Variants in MSRB3 observed in about 807,000 individuals in gnomAD.
The protein encoded by MSRB3 is methionine sulfoxide reductase B3.
A neutral mutation model predicts 21.0 loss-of-function variants in MSRB3; 13 were observed. The observed-to-expected ratio is 0.62, with a 90% CI of 0.40 to 0.98. MSRB3 has a LOEUF of 0.98. Among genes scored for constraint, MSRB3 ranks in the 50% least tolerant of loss-of-function variants. MSRB3 has a pLI of 0.00. For missense variants in MSRB3, 199 were observed against 230.3 expected (o/e 0.86, Z 0.88); for synonymous variants, 87 against 88.6 (o/e 0.98, Z 0.10).
chr12:65,278,807 C>G lies in MSRB3; in HGVS notation c.-110C>G. On this transcript the variant is annotated 5_prime_UTR_variant, in exon 1 of 7. Coordinates refer to ENST00000308259, the MANE Select transcript of MSRB3 (RefSeq NM_001031679.3). ...GGACCCTCCCGCGCCCCCTCTCGCT[C>G]TGCCTCTCCCTCTGCCTCTGCCTCT... 6.4e-7 allele frequency: 1 copy of G among 1,571,154 alleles called. No individual in the cohort carries two copies. The highest frequency in any genetic ancestry group is 1.2e-5 in the South Asian group (1 of 85,494).
At chr12:65,392,955 C>T (rs1316433293) in intron 5 of MSRB3, among the ~76,000 whole-genome samples, 1 of 151,990 alleles carries the variant, frequency 6.6e-6, no homozygotes, top group African/African-American at 2.4e-5. Flanking sequence ...TTTAACAGCT[C>T]CCACAATATT....
At chr12:65,350,788 A>G (rs1245408915) in intron 4 of MSRB3, among the ~76,000 whole-genome samples, 1 of 140,658 alleles carries the variant, frequency 7.1e-6, no homozygotes, top group Non-Finnish European at 1.5e-5. Flanking sequence ...TGCACCCAAT[A>G]CAGGAGCACC....
At chr12:65,361,381 T>A (rs984242935) in intron 4 of MSRB3, among the ~76,000 whole-genome samples, 6 of 152,136 alleles carry the variant, frequency 3.9e-5, no homozygotes, top group African/African-American at 1.4e-4. Context: ...TTGTTCTGTT[T>A]GTCTCTGTTG....
intron 4 of MSRB3, among the ~76,000 whole-genome samples, chr12:65,361,448 C>T (rs1320576355): frequency 6.6e-6 from 1 of 152,042 alleles, no homozygotes; most frequent in African/African-American, 2.4e-5. Flanking sequence ...TATTTGCTTA[C>T]GATGTGTACC....
chr12:65,356,206 G>A (rs536279671), intron 4 of MSRB3, among the ~76,000 whole-genome samples: 12 of 151,974 alleles, frequency 7.9e-5, no homozygotes, highest in Non-Finnish European at 1.3e-4. Context: ...CCCTGCCTGA[G>A]TAATCAATGG....
intron 6 of MSRB3, among the ~76,000 whole-genome samples, chr12:65,458,578 G>A (rs539971937): frequency 1.1e-4 from 17 of 152,258 alleles, no homozygotes; most frequent in Non-Finnish European, 1.2e-4. Flanking sequence ...AGCAAGGGTC[G>A]GAGAGATTCT....
At chr12:65,454,212 C>T (rs1196163459) in intron 6 of MSRB3, 2 of 433,898 alleles carry the variant, frequency 4.6e-6, no homozygotes, top group Non-Finnish European at 8.5e-6. Context: ...CACTGGAGCC[C>T]AGGAGGTCGA....
chr12:65,434,266 C>G (rs1460140137), intron 5 of MSRB3, among the ~76,000 whole-genome samples: 1 of 151,874 alleles, frequency 6.6e-6, no homozygotes, highest in Non-Finnish European at 1.5e-5. Flanking sequence ...AATTGGCATT[C>G]CTCCTTTGAT....
At chr12:65,362,434 G>A (rs1312664256) in intron 4 of MSRB3, among the ~76,000 whole-genome samples, 1 of 152,116 alleles carries the variant, frequency 6.6e-6, no homozygotes, top group Non-Finnish European at 1.5e-5. Context: ...AACAAATAGG[G>A]TTGCCATGAT....
chr12:65,389,462 T>C (rs979992667), intron 5 of MSRB3, among the ~76,000 whole-genome samples: 3 of 152,194 alleles, frequency 2.0e-5, no homozygotes, highest in Non-Finnish European at 2.9e-5. Context: ...CAGCCACTTA[T>C]TAACTTTCAT....
chr12:65,343,784 C>T (rs1317766499), intron 4 of MSRB3, among the ~76,000 whole-genome samples: 1 of 152,036 alleles, frequency 6.6e-6, no homozygotes, highest in Non-Finnish European at 1.5e-5. Context: ...TAATGCTTCC[C>T]TGTATTCTGG....
chr12:65,438,969 G>A (rs561205248), intron 5 of MSRB3, among the ~76,000 whole-genome samples: 7 of 151,858 alleles, frequency 4.6e-5, no homozygotes, highest in Admixed American at 2.6e-4. Context: ...TATGTCTCTT[G>A]TTAAGTCAAA....
rs534727024 is a variant in MSRB3 at position 65,351,888 on chromosome 12, G to A, written c.264-17110G>A. Among the ~76,000 whole-genome samples, 1,337 of 152,194 alleles carry A rather than the reference G, an allele frequency of 8.8e-3. 19 individuals carry two copies. The highest frequency in any genetic ancestry group is 0.031 in the African/African-American group (1,287 of 41,516). ...CAGCCGAATTCTATCAGAGGTACAA[G>A]GAGGAACTGGTACCATTCCTTCTGA... On this transcript the variant is annotated intron_variant, in intron 4 of 6. Transcript: ENST00000308259.
At chr12:65,390,157 C>T (rs1229719994) in intron 5 of MSRB3, among the ~76,000 whole-genome samples, 1 of 152,128 alleles carries the variant, frequency 6.6e-6, no homozygotes, top group East Asian at 1.9e-4. Flanking sequence ...GATGTTACTC[C>T]ATCAGTCATT....
chr12:65,353,658 A>G (rs1366262322), intron 4 of MSRB3, among the ~76,000 whole-genome samples: 1 of 152,066 alleles, frequency 6.6e-6, no homozygotes, highest in Non-Finnish European at 1.5e-5. Flanking sequence ...CAGCACCCTG[A>G]TGGGTCTTGA....
In MSRB3 at chr12:65,466,417, G is replaced by T. The variant is rs1190574912; in HGVS notation, c.*3095G>T. On this transcript the variant is annotated 3_prime_UTR_variant, in exon 7 of 7. Coordinates refer to ENST00000308259, the MANE Select transcript of MSRB3 (RefSeq NM_001031679.3). ...CAATGAACTGAGTCAATATGGCAAG[G>T]TGTATGTGATCTGTGGGAGTTATGC... 1 of 152,286 alleles carries T rather than the reference G, an allele frequency of 6.6e-6. No homozygotes were observed. The highest frequency in any genetic ancestry group is 1.5e-5 in the Non-Finnish European group (1 of 68,020). The allele number at this position is 152,286 out of a possible 1,614,324, so 9.4% of individuals were successfully genotyped here. A position where few individuals can be genotyped will look rare whatever the true frequency, so the allele number is the denominator to read the frequency against.
intron 1 of MSRB3, among the ~76,000 whole-genome samples, chr12:65,295,222 A>T (rs1208253890): frequency 6.6e-6 from 1 of 152,208 alleles, no homozygotes; most frequent in Non-Finnish European, 1.5e-5. Flanking sequence ...AGCCTTACCT[A>T]AGTATTAAAT....
rs550808728 is a variant in MSRB3 at position 65,393,702 on chromosome 12, G to GTA, written c.292+24684_292+24685dup. 4.3e-3 allele frequency among the ~76,000 whole-genome samples: 647 copies of GTA among 149,668 alleles called. 2 individuals are homozygous for GTA. Among genetic ancestry groups the GTA allele is most frequent in the African/African-American group, 0.015 (595 of 40,660 alleles). On this transcript the variant is annotated intron_variant, in intron 5 of 6. Transcript: ENST00000308259. The stretch of plus-strand genomic sequence containing the variant: ...TTTGTGTTTGTTGTTCTTGTTTTGT[G>GTA]TATATATATGTGTGTGTGTATTTAC...
intron 5 of MSRB3, among the ~76,000 whole-genome samples, chr12:65,386,752 A>G (rs1208349054): frequency 2.0e-5 from 3 of 151,996 alleles, no homozygotes; most frequent in Non-Finnish European, 1.5e-5. Context: ...AAGAAACAGT[A>G]TCATCTTTGA....
Sources: gnomAD v4.1 joint callset for allele counts (sites outside exome capture counted in the v4.1 genomes callset) on GRCh38, gnomAD v4.1.1 for gene constraint, MANE v1.5 for transcripts, NCBI Gene and HGNC (gene_info 2026-07-23, HGNC 2026-07-21) for gene names.